The following MIPOL1 variants were observed in gnomAD, a reference collection of about 807,000 sequenced individuals.
The protein encoded by MIPOL1 is mirror-image polydactyly gene 1 protein.
Under a neutral mutation model 60.9 loss-of-function variants are expected in MIPOL1, and 57 were observed. That is an observed-to-expected ratio of 0.94 (90% CI 0.76 to 1.17). MIPOL1 has a LOEUF of 1.17. Ranked by LOEUF, MIPOL1 falls within the 50% of genes most tolerant of loss-of-function variation. The pLI, the probability that MIPOL1 is intolerant of heterozygous loss-of-function variation, is 0.00. For synonymous variants in MIPOL1, 179 were observed against 168.8 expected (o/e 1.06, Z -0.47); for missense variants, 551 against 511.6 (o/e 1.08, Z -0.74).
chr14:37,313,431 C>T (rs2087558965), intron 9 of MIPOL1, among the ~76,000 whole-genome samples: 1 of 152,042 alleles, frequency 6.6e-6, no homozygotes, highest in African/African-American at 2.4e-5. Flanking sequence ...GGCTTTGGGT[C>T]TTATTGGTAT....
chr14:37,427,339 CT>C (rs1254507381), intron 11 of MIPOL1, among the ~76,000 whole-genome samples: 1 of 152,050 alleles, frequency 6.6e-6, no homozygotes, highest in Non-Finnish European at 1.5e-5. Flanking sequence ...TATGATTCCA[CT>C]TATATGAGGT....
At chr14:37,518,534 T>C (rs151028527) in intron 12 of MIPOL1, among the ~76,000 whole-genome samples, 3,807 of 152,166 alleles carry the variant, frequency 0.025, 151 homozygotes, top group African/African-American at 0.086. Flanking sequence ...GGGTTTTTGC[T>C]GTGTTGGCCA....
intron 9 of MIPOL1, among the ~76,000 whole-genome samples, chr14:37,354,068 A>G (rs982556325): frequency 3.4e-5 from 5 of 145,948 alleles, no homozygotes; most frequent in African/African-American, 1.3e-4. Flanking sequence ...CCCTCTACAC[A>G]CTGCTTTGAA....
intron 9 of MIPOL1, among the ~76,000 whole-genome samples, chr14:37,337,034 T>C (rs1340607665): frequency 2.6e-5 from 4 of 151,908 alleles, no homozygotes; most frequent in Admixed American, 2.6e-4. Flanking sequence ...AATTTTATCT[T>C]AACAGCTAGA....
intron 1 of MIPOL1, among the ~76,000 whole-genome samples, chr14:37,205,155 G>C (rs1272406137): frequency 6.6e-6 from 1 of 151,966 alleles, no homozygotes; most frequent in Non-Finnish European, 1.5e-5. Flanking sequence ...CCAGGCTGGG[G>C]TGCAGTGACA....
At chr14:37,494,480 C>T (rs1318093444) in intron 11 of MIPOL1, among the ~76,000 whole-genome samples, 1 of 152,116 alleles carries the variant, frequency 6.6e-6, no homozygotes, top group Non-Finnish European at 1.5e-5. Flanking sequence ...CAAACAAATA[C>T]CTTCAGCAGA....
chr14:37,304,461 T>C (rs1955939), intron 7 of MIPOL1, among the ~76,000 whole-genome samples: 82,899 of 151,668 alleles, frequency 0.55, 24,775 homozygotes, highest in Non-Finnish European at 0.66. Context: ...GATACCTTTT[T>C]TTCAGTCTCT....
intron 10 of MIPOL1, among the ~76,000 whole-genome samples, chr14:37,412,708 CTATT>C (rs1332575679): frequency 1.3e-5 from 2 of 151,890 alleles, no homozygotes; most frequent in Non-Finnish European, 2.9e-5. Flanking sequence ...GGAAATAATT[CTATT>C]TATTTATCTA....
chr14:37,305,955 A>T (rs2086753676), intron 7 of MIPOL1, among the ~76,000 whole-genome samples: 1 of 151,862 alleles, frequency 6.6e-6, no homozygotes, highest in Non-Finnish European at 1.5e-5. Flanking sequence ...GCAAAATGAC[A>T]AGTCAGTATA....
chr14:37,401,185 C>T (rs1470414839), intron 10 of MIPOL1: 1 of 151,858 alleles, frequency 6.6e-6, no homozygotes, highest in African/African-American at 2.4e-5. Context: ...AGAAGCAAAA[C>T]ATAATTTGTG....
chr14:37,252,333 A>G (rs576518458), intron 3 of MIPOL1, among the ~76,000 whole-genome samples: 1 of 152,086 alleles, frequency 6.6e-6, no homozygotes, highest in African/African-American at 2.4e-5. Context: ...AAGCACTTAT[A>G]GAATGGCTGT....
At chr14:37,209,693 A>G (rs1027386584) in intron 1 of MIPOL1, among the ~76,000 whole-genome samples, 1 of 152,002 alleles carries the variant, frequency 6.6e-6, no homozygotes, top group South Asian at 2.1e-4. Context: ...GATAATATAT[A>G]CACATGGTTT....
chr14:37,385,591 T>C (rs2093043748), intron 10 of MIPOL1: 2 of 152,218 alleles, frequency 1.3e-5, no homozygotes, highest in Middle Eastern at 6.8e-3. Flanking sequence ...CTTTACACTT[T>C]TATTTTCTGT....
intron 11 of MIPOL1, among the ~76,000 whole-genome samples, chr14:37,489,876 G>C (rs1221843636): frequency 6.6e-6 from 1 of 152,158 alleles, no homozygotes; most frequent in Non-Finnish European, 1.5e-5. Context: ...TCCTGTATGA[G>C]GTGTCTGTCA....
At chr14:37,223,665 G>A (rs925571364) in intron 1 of MIPOL1, among the ~76,000 whole-genome samples, 2 of 151,848 alleles carry the variant, frequency 1.3e-5, no homozygotes, top group African/African-American at 4.8e-5. Flanking sequence ...ACCACGCCCG[G>A]CTAATTTTTT....
chr14:37,380,802 A>G (rs117704155), intron 10 of MIPOL1, among the ~76,000 whole-genome samples: 2,022 of 152,256 alleles, frequency 0.013, 19 homozygotes, highest in Middle Eastern at 0.027. Context: ...TGTTTTATAC[A>G]TTTTGTAATA....
At chr14:37,279,981 C>G (rs887773476) in intron 6 of MIPOL1, among the ~76,000 whole-genome samples, 9 of 152,238 alleles carry the variant, frequency 5.9e-5, no homozygotes, top group Non-Finnish European at 1.2e-4. Flanking sequence ...TATTGTTCTA[C>G]TCTTTACTTA....
At chr14:37,288,653 T>A (rs950455951) in intron 7 of MIPOL1, among the ~76,000 whole-genome samples, 1 of 151,918 alleles carries the variant, frequency 6.6e-6, no homozygotes, top group Non-Finnish European at 1.5e-5. Flanking sequence ...AAAAAATTAT[T>A]TAAAAGATGT....
At chr14:37,240,926 GACACACACACACATACACACACACAC>G (rs1972243804) in intron 1 of MIPOL1, among the ~76,000 whole-genome samples, 1 of 136,150 alleles carries the variant, frequency 7.3e-6, no homozygotes, top group South Asian at 2.3e-4. Context: ...ACCAGTAGGT[GACACACACACACATACACACACACAC>G]ACACACACAC....
Sources: allele counts gnomAD v4.1 joint callset (sites outside exome capture counted in the v4.1 genomes callset), GRCh38; gene constraint gnomAD v4.1.1; transcripts MANE v1.5; gene names NCBI Gene and HGNC (gene_info 2026-07-23, HGNC 2026-07-21).